Variants in IFFO2 observed in about 807,000 individuals in gnomAD.
The protein encoded by IFFO2 is intermediate filament family orphan 2.
Under a neutral mutation model 53.5 loss-of-function variants are expected in IFFO2, and 19 were observed. The observed-to-expected ratio is 0.36, with a 90% CI of 0.25 to 0.52. The LOEUF (loss-of-function observed/expected upper bound fraction) is 0.52. Among genes scored for constraint, IFFO2 ranks in the 20% least tolerant of loss-of-function variants. The pLI is 0.94. For missense variants in IFFO2, 570 were observed against 727.4 expected (o/e 0.78, Z 2.49); for synonymous variants, 303 against 313.6 (o/e 0.97, Z 0.36).
chr1:18,909,680 T>C (rs1936004342), intron 8 of IFFO2, among the ~76,000 whole-genome samples: 1 of 152,214 alleles, frequency 6.6e-6, no homozygotes, highest in Non-Finnish European at 1.5e-5. Flanking sequence ...CCTTCTGCCA[T>C]GACTATAAGT....
chr1:18,939,518 A>G (rs965427585), intron 1 of IFFO2, among the ~76,000 whole-genome samples: 2 of 152,192 alleles, frequency 1.3e-5, no homozygotes, highest in African/African-American at 2.4e-5. Context: ...CTTCTAGCTC[A>G]GAGGGCTCCC....
At chr1:18,934,654 C>G (rs893231748) in intron 1 of IFFO2, among the ~76,000 whole-genome samples, 1 of 152,230 alleles carries the variant, frequency 6.6e-6, no homozygotes, top group African/African-American at 2.4e-5. Flanking sequence ...ATCCCCCTCC[C>G]TGAGAGAATT....
chr1:18,911,785 C>T (rs1253089431), intron 6 of IFFO2, among the ~76,000 whole-genome samples, 178 bp downstream of exon 6: 3 of 152,118 alleles, frequency 2.0e-5, no homozygotes, highest in African/African-American at 7.2e-5. Context: ...GTGATCCGCC[C>T]ACCTCGGCCT....
chr1:18,919,610 G>T lies in IFFO2; in HGVS notation c.822+68C>A, dbSNP rs1163395865. 8 of 1,062,144 alleles carry T rather than the reference G, an allele frequency of 7.5e-6. No homozygotes were observed. The highest frequency in any genetic ancestry group is 1.1e-5 in the Non-Finnish European group (8 of 701,032). The allele number at this position is 1,062,144 out of a possible 1,614,324, so 65.8% of individuals were successfully genotyped here. A position where few individuals can be genotyped will look rare whatever the true frequency, so the allele number is the denominator to read the frequency against. Reference sequence around the variant, plus strand: ...AAGCCGAGCCCCGGAGCCTCGGAGGGAATGAAGCATTTTGCATGATGGGTG... The same window carrying T: ...AAGCCGAGCCCCGGAGCCTCGGAGGTAATGAAGCATTTTGCATGATGGGTG... On this transcript the variant is annotated intron_variant, in intron 3 of 8. Transcript: ENST00000455833. The surrounding 1 kb of genome is among the most constrained non-coding windows in gnomAD (Gnocchi z 4.9).
intron 1 of IFFO2, among the ~76,000 whole-genome samples, chr1:18,925,571 A>T (rs1052720392): frequency 6.6e-6 from 1 of 152,190 alleles, no homozygotes; most frequent in African/African-American, 2.4e-5. Context: ...AGAGGAAGCA[A>T]GAGGCAAGTT....
rs907270556 is a variant in IFFO2 at position 18,917,036 on chromosome 1, G to A, written c.970C>T (p.Pro324Ser). ...GCCACCTTACGCTCTTTCTTTTTGG[G>A]GACCACCTGAACCGGAAAGGAAGCA... is the stretch of plus-strand genomic sequence containing the variant. ...EDVSKIFQVV[P>S]KKKERKVASD... Residue 324 changes from proline (P) to serine (S), a missense_variant, in exon 5 of 9, where the codon CCC (proline) becomes TCC (serine). Transcript: ENST00000455833. This position sits in a 1 kb window ranked among gnomAD's most constrained non-coding sequence, Gnocchi z 5.9. 63 of 1,552,100 alleles carry A rather than the reference G, an allele frequency of 4.1e-5. No individual in the cohort carries two copies. Among genetic ancestry groups the A allele is most frequent in the Non-Finnish European group, 5.1e-5 (58 of 1,147,098 alleles).
At position 18,928,199 on chromosome 1, in the gene IFFO2, C is replaced by A. The variant is rs989277296; in HGVS notation, c.666-7078G>T. Among the ~76,000 whole-genome samples, 2 of 152,170 alleles carry A rather than the reference C, an allele frequency of 1.3e-5. No homozygotes were observed. The highest frequency in any genetic ancestry group is 1.9e-4 in the East Asian group (1 of 5,186). ...CCCCTCCTGCCTGCCCCAAGCCCCA[C>A]CCCCTGGGGACACCTGGCACCACCT... On this transcript the variant is annotated intron_variant, in intron 1 of 8. Transcript: ENST00000455833. The surrounding 1 kb of genome is among the most constrained non-coding windows in gnomAD (Gnocchi z 4.9).
intron 1 of IFFO2, among the ~76,000 whole-genome samples, chr1:18,942,766 C>T: frequency 6.6e-6 from 1 of 152,262 alleles, no homozygotes; most frequent in African/African-American, 2.4e-5. Context: ...CTGGCTCTGC[C>T]AGCAGTAGCT....
At chr1:18,938,553 G>A (rs1936478614) in intron 1 of IFFO2, among the ~76,000 whole-genome samples, 1 of 152,218 alleles carries the variant, frequency 6.6e-6, no homozygotes, top group African/African-American at 2.4e-5. Context: ...CTTGTGAGCT[G>A]GAGCCACTGG....
At position 18,905,107 on chromosome 1, in the gene IFFO2, C is replaced by T. The variant is rs1935928146; in HGVS notation, c.*3454G>A. 6.6e-6 allele frequency: 1 copy of T among 152,180 alleles called. No homozygotes were observed. The highest frequency in any genetic ancestry group is 2.4e-5 in the African/African-American group (1 of 41,418). 9.4% of individuals were successfully genotyped at this position (152,180 alleles called of 1,614,324 possible). ...TCCCCAGAGCCCAGCTTGTTCCCTC[C>T]CTAATGCGCCTTGTCCCTTCCCCCA... On this transcript the variant is annotated 3_prime_UTR_variant, in exon 9 of 9. Coordinates refer to ENST00000455833, the MANE Select transcript of IFFO2 (RefSeq NM_001136265.2).
chr1:18,948,343 G>A (rs963480687), intron 1 of IFFO2, among the ~76,000 whole-genome samples: 6 of 152,224 alleles, frequency 3.9e-5, no homozygotes, highest in Middle Eastern at 3.2e-3. Flanking sequence ...ACATTACGGA[G>A]AGAACGTAGT....
rs1936181399 is a variant in IFFO2 at position 18,919,335 on chromosome 1, C to T, written c.822+343G>A. On this transcript the variant is annotated intron_variant, in intron 3 of 8. Transcript: ENST00000455833. This position sits in a 1 kb window ranked among gnomAD's most constrained non-coding sequence, Gnocchi z 4.9. ...GCACCTGGCCCAACCTGCCAGACGC[C>T]CTGCTACGCCCAGACACCGAGGCCT... Among the ~76,000 whole-genome samples the T allele has an allele frequency of 6.6e-6, 1 of 152,224 alleles. No individual in the cohort carries two copies. Among genetic ancestry groups the T allele is most frequent in the Non-Finnish European group, 1.5e-5 (1 of 68,040 alleles).
At chr1:18,950,188 G>A (rs921022172) in intron 1 of IFFO2, among the ~76,000 whole-genome samples, 16 of 152,194 alleles carry the variant, frequency 1.1e-4, no homozygotes, top group African/African-American at 3.9e-4. Flanking sequence ...AGCCTTCTTA[G>A]ATGCCGGACA....
At position 18,955,738 on chromosome 1, in the gene IFFO2, T is replaced by C; in HGVS notation, c.595A>G (p.Thr199Ala). 6.3e-7 allele frequency: 1 copy of C among 1,588,856 alleles called. No individual in the cohort carries two copies. The highest frequency in any genetic ancestry group is 8.5e-7 in the Non-Finnish European group (1 of 1,171,298). Residue 199 changes from threonine to alanine, a missense_variant, in exon 1 of 9, where the codon ACG (threonine) becomes GCG (alanine). Transcript: ENST00000455833. ...TTGTAGAGCGCGCGGATCTCCGGCG[T>C]GATGGTGTCGATCTGCACGCCCACG... ...DGVGVQIDTI[T>A]PEIRALYNVL... is the part of the protein sequence containing the mutation.
At position 18,910,421 on chromosome 1, in the gene IFFO2, T is replaced by C; in HGVS notation, c.1369A>G (p.Met457Val). The C allele has an allele frequency of 1.2e-6, 2 of 1,614,078 alleles. No individual in the cohort carries two copies. The highest frequency in any genetic ancestry group is 1.7e-6 in the Non-Finnish European group (2 of 1,179,958). ...SDMNRHLHEY[M>V]EMCSMKRGLD... ...CCTCGCTTCATGCTGCACATCTCCATGTACTCGTGCAGGTGTCGGTTCATG... is the reference window on the plus strand; with the variant it reads ...CCTCGCTTCATGCTGCACATCTCCACGTACTCGTGCAGGTGTCGGTTCATG... The change falls in exon 8 of 9, where the codon ATG becomes GTG. Residue 457 changes from methionine to valine, a missense_variant. Met to Val is a conservative substitution (Grantham distance 21, BLOSUM62 1). Transcript: ENST00000455833.
intron 1 of IFFO2, among the ~76,000 whole-genome samples, chr1:18,927,285 G>A (rs927135311): frequency 6.6e-6 from 1 of 152,226 alleles, no homozygotes; most frequent in Non-Finnish European, 1.5e-5. Context: ...GCGAGCGGCC[G>A]GCACGCCTAG....
intron 2 of IFFO2, 36 bp downstream of exon 2, chr1:18,921,025 G>A (rs564536230): frequency 8.1e-5 from 125 of 1,541,958 alleles, no homozygotes; most frequent in South Asian, 1.1e-4. Flanking sequence ...GCTCTCTGGC[G>A]TGCCTCTCCT....
intron 1 of IFFO2, among the ~76,000 whole-genome samples, chr1:18,943,168 A>G (rs540571258): frequency 6.6e-6 from 1 of 152,080 alleles, no homozygotes; most frequent in South Asian, 2.1e-4. Flanking sequence ...GGAGTTCAAG[A>G]CCAGCCCCGG....
chr1:18,944,425 C>G lies in IFFO2; in HGVS notation c.665+11243G>C, dbSNP rs538848811. On this transcript the variant is annotated intron_variant, in intron 1 of 8. Transcript: ENST00000455833. ...TAAGGGGAGCAGCCAAGCCTCCCCC[C>G]AGCCCCAATTCCTGACCTGTGTCTA... Among the ~76,000 whole-genome samples, 22 of 152,216 alleles carry G rather than the reference C, an allele frequency of 1.4e-4. No homozygotes were observed. The South Asian group carries it at 4.4e-3, about 30-fold the overall frequency.
Sources: allele counts gnomAD v4.1 joint callset (sites outside exome capture counted in the v4.1 genomes callset), GRCh38; gene constraint gnomAD v4.1.1; non-coding constraint Gnocchi (gnomAD v3.1); transcripts MANE v1.5; gene names NCBI Gene and HGNC (gene_info 2026-07-23, HGNC 2026-07-21).